The following BBS9 variants were observed in gnomAD, a reference collection of about 807,000 sequenced individuals.
BBS9 encodes the protein protein PTHB1.
A neutral mutation model predicts 117.7 loss-of-function variants in BBS9; 89 were observed. The observed-to-expected ratio is 0.76, with a 90% CI of 0.64 to 0.90. The LOEUF (loss-of-function observed/expected upper bound fraction) is 0.90, where lower values mean the gene tolerates loss of function less well. Ranked by LOEUF, BBS9 falls within the 40% of genes least tolerant of loss-of-function variation. The pLI is 0.00. For synonymous variants in BBS9, 379 were observed against 370.9 expected, an observed-to-expected ratio of 1.02 and a Z score of -0.25; for missense variants, 982 against 1,042.2, an observed-to-expected ratio of 0.94 and a Z score of 0.80.
intron 19 of BBS9, among the ~76,000 whole-genome samples, chr7:33,474,886 A>C (rs1011227720): frequency 6.6e-6 from 1 of 152,182 alleles, no homozygotes; most frequent in African/African-American, 2.4e-5. Context: ...TGGAGGTTGC[A>C]GTGAGCTGAG....
At chr7:33,604,998 C>G in intron 22 of BBS9, 23 bp downstream of exon 22, 1 of 1,568,590 alleles carries the variant, frequency 6.4e-7, no homozygotes, top group Non-Finnish European at 8.8e-7. Flanking sequence ...ATGGCCTTCA[C>G]AAGCGTTAGT....
intron 21 of BBS9, among the ~76,000 whole-genome samples, chr7:33,538,135 A>T: frequency 6.6e-6 from 1 of 152,154 alleles, no homozygotes; most frequent in East Asian, 1.9e-4. Flanking sequence ...TGATCAAATG[A>T]CTTCACATGT....
At chr7:33,192,502 T>A (rs185741619) in intron 5 of BBS9, among the ~76,000 whole-genome samples, 7 of 152,334 alleles carry the variant, frequency 4.6e-5, no homozygotes, top group Admixed American at 2.0e-4. Flanking sequence ...GGGAAAGACC[T>A]CTTGAACTGC....
intron 5 of BBS9, among the ~76,000 whole-genome samples, chr7:33,201,717 A>ATT (rs11412956): frequency 1.2e-4 from 18 of 148,480 alleles, no homozygotes; most frequent in Admixed American, 3.4e-4. Flanking sequence ...GTTTGGGGGC[A>ATT]TTTTTTTTTT....
chr7:33,407,214 T>C (rs541920512), intron 19 of BBS9, among the ~76,000 whole-genome samples: 1 of 152,214 alleles, frequency 6.6e-6, no homozygotes, highest in Non-Finnish European at 1.5e-5. Flanking sequence ...CCTTTCTTCC[T>C]GTTGATTGCA....
At chr7:33,238,741 T>C (rs1278742916) in intron 5 of BBS9, among the ~76,000 whole-genome samples, 2 of 152,180 alleles carry the variant, frequency 1.3e-5, no homozygotes, top group Admixed American at 6.5e-5. Context: ...CTTTTTACTG[T>C]GAATTTATAT....
intron 9 of BBS9, among the ~76,000 whole-genome samples, chr7:33,295,616 A>G (rs978522431): frequency 2.0e-5 from 3 of 151,988 alleles, no homozygotes; most frequent in African/African-American, 7.2e-5. Context: ...ATAATATTGG[A>G]ATAAAGCAAC....
At chr7:33,178,128 T>C (rs1797596751) in intron 5 of BBS9, among the ~76,000 whole-genome samples, 1 of 152,190 alleles carries the variant, frequency 6.6e-6, no homozygotes, top group Admixed American at 6.5e-5. Context: ...TCTACCCATA[T>C]CTGGGGCTGC....
chr7:33,525,687 CTTG>C (rs1203925107), intron 20 of BBS9, among the ~76,000 whole-genome samples: 2 of 128,952 alleles, frequency 1.6e-5, no homozygotes, highest in Admixed American at 1.6e-4. Context: ...ACTGATGGGT[CTTG>C]ACTCTTTATC....
At chr7:33,500,942 C>T (rs530089654) in intron 19 of BBS9, among the ~76,000 whole-genome samples, 2 of 152,276 alleles carry the variant, frequency 1.3e-5, no homozygotes, top group East Asian at 3.9e-4. Context: ...TTTGGGGTCT[C>T]CATTTTATTT....
At chr7:33,149,111 T>G (rs1006107216) in intron 2 of BBS9, among the ~76,000 whole-genome samples, 1 of 152,090 alleles carries the variant, frequency 6.6e-6, no homozygotes, top group African/African-American at 2.4e-5. Context: ...GGATGATGAT[T>G]TGGAGACCAT....
At chr7:33,501,055 G>T (rs1046646806) in intron 19 of BBS9, among the ~76,000 whole-genome samples, 6 of 152,138 alleles carry the variant, frequency 3.9e-5, no homozygotes, top group African/African-American at 1.4e-4. Flanking sequence ...CTGTAGTTCT[G>T]TTGAACACTA....
At chr7:33,628,203 A>G (rs919422810) in intron 21 of BBS9, among the ~76,000 whole-genome samples, 3 of 152,188 alleles carry the variant, frequency 2.0e-5, no homozygotes, top group African/African-American at 7.2e-5. Flanking sequence ...AGACAAAAAC[A>G]GTATTTAGGA....
Position 33,336,636 on chromosome 7 carries a change from A to T in BBS9, c.1198+14A>T. 1.9e-6 allele frequency: 3 copies of T among 1,556,610 alleles called. No individual in the cohort carries two copies. Among genetic ancestry groups the T allele is most frequent in the Non-Finnish European group, 2.6e-6 (3 of 1,133,228 alleles). ...ACAAATCACAAGGTATCTCATTTGCAGCTTTTTATTATTTTAGTATTCATT... is the reference window on the plus strand; with the variant it reads ...ACAAATCACAAGGTATCTCATTTGCTGCTTTTTATTATTTTAGTATTCATT... On this transcript the variant is annotated intron_variant, in intron 10 of 22. Transcript: ENST00000242067.
rs1793550773 is a variant in BBS9, at chr7:33,152,812, G to A, written c.224G>A (p.Arg75Gln). Residue 75 changes from arginine (R) to glutamine (Q), a missense_variant, in exon 3 of 23, where the codon CGA (arginine) becomes CAA (glutamine). Arg to Gln is a conservative substitution (Grantham distance 43). Transcript: ENST00000242067. The part of the protein sequence containing the change: ...AEDLLLEVDL[R>Q]DPVLQVEVGK... ...GATTTGCTTCTAGAAGTGGATCTAC[G>A]AGATCCAGTACTTCAAGTGGAAGTA... 2 of 1,613,778 alleles carry A rather than the reference G, an allele frequency of 1.2e-6. No homozygotes were observed. The highest frequency in any genetic ancestry group is 1.7e-6 in the Non-Finnish European group (2 of 1,179,858).
intron 19 of BBS9, among the ~76,000 whole-genome samples, chr7:33,417,225 G>A (rs1459966753): frequency 2.0e-5 from 3 of 152,140 alleles, no homozygotes; most frequent in African/African-American, 7.2e-5. Context: ...TTCTGATTCA[G>A]TTCTATTTTA....
At chr7:33,372,553 G>T (rs1182347534) in intron 17 of BBS9, among the ~76,000 whole-genome samples, 2 of 152,060 alleles carry the variant, frequency 1.3e-5, no homozygotes, top group Non-Finnish European at 2.9e-5. Flanking sequence ...AATTTGGTTT[G>T]CTAGTATTTT....
rs1351346641 is a variant in BBS9, at chr7:33,446,699, GACA to G, written c.2115+58559_2115+58561del. On this transcript the variant is annotated intron_variant, in intron 19 of 22. Coordinates refer to ENST00000242067, the MANE Select transcript of BBS9 (RefSeq NM_198428.3). ...CAGTTCTTTCATTCATCAAAGATGA[GACA>G]ACATTTTTCATGGTCAGCCTATTCA... Among the ~76,000 whole-genome samples, 46 of 152,334 alleles carry G rather than the reference GACA, an allele frequency of 3.0e-4. No individual in the cohort carries two copies. In the Middle Eastern group the frequency reaches 0.01, roughly 34 times the overall value.
chr7:33,199,605 A>G (rs1311332917), intron 5 of BBS9, among the ~76,000 whole-genome samples: 1 of 151,574 alleles, frequency 6.6e-6, no homozygotes, highest in Non-Finnish European at 1.5e-5. Flanking sequence ...TTTTAATGTT[A>G]TACTTACTCA....
Sources: allele counts gnomAD v4.1 joint callset (sites outside exome capture counted in the v4.1 genomes callset), GRCh38; gene constraint gnomAD v4.1.1; transcripts MANE v1.5; gene names NCBI Gene and HGNC (gene_info 2026-07-23, HGNC 2026-07-21).